The following DKK2 variants were observed in gnomAD, a reference collection of about 807,000 sequenced individuals.
DKK2 encodes the protein dickkopf Wnt signaling pathway inhibitor 2, also known as dickkopf-related protein 2.
Under a neutral mutation model 28.1 loss-of-function variants are expected in DKK2, and 11 were observed. The observed-to-expected ratio is 0.39, with a 90% CI of 0.25 to 0.65. The LOEUF (loss-of-function observed/expected upper bound fraction) is 0.65. DKK2 is among the 30% of genes least tolerant of loss of function. DKK2 has a pLI of 0.47. For missense variants in DKK2, 326 were observed against 335.5 expected (o/e 0.97, Z 0.22); for synonymous variants, 135 against 126.5 (o/e 1.07, Z -0.45).
intron 1 of DKK2, among the ~76,000 whole-genome samples, chr4:107,020,575 G>C (rs564878454): frequency 1.3e-5 from 2 of 152,052 alleles, no homozygotes; most frequent in South Asian, 4.1e-4. Flanking sequence ...TTAAAATTAA[G>C]AACAAATTTA....
At chr4:107,026,967 C>T (rs1390296975) in intron 1 of DKK2, among the ~76,000 whole-genome samples, 1 of 151,964 alleles carries the variant, frequency 6.6e-6, no homozygotes, top group African/African-American at 2.4e-5. Context: ...GTTGAGCGAG[C>T]TGGAGGAAAT....
intron 1 of DKK2, among the ~76,000 whole-genome samples, chr4:106,994,186 G>C (rs1454068552): frequency 6.6e-6 from 1 of 152,164 alleles, no homozygotes; most frequent in Admixed American, 6.5e-5. Flanking sequence ...CAAGTAAGGC[G>C]ATTTAGCTTT....
Position 106,925,804 on chromosome 4 carries a change from T to G in DKK2, c.368A>C (p.Asn123Thr). The G allele has an allele frequency of 6.2e-7, 1 of 1,607,772 alleles. No individual in the cohort carries two copies. Residue 123 changes from asparagine to threonine, a missense_variant, in exon 2 of 4, where the codon AAT (asparagine) becomes ACT (threonine). Asn to Thr is a moderately conservative substitution (Grantham distance 65, BLOSUM62 0). Transcript: ENST00000285311. Reference sequence around the variant, plus strand: ...CACTTAGTGAGATCTTTTACCATTATTGCAGCGGGTACTGGGGCAGCACAT... The same window carrying G: ...CACTTAGTGAGATCTTTTACCATTAGTGCAGCGGGTACTGGGGCAGCACAT... ...DGMCCPSTRC[N>T]NGICIPVTES...
intron 1 of DKK2, among the ~76,000 whole-genome samples, chr4:106,936,278 G>C (rs1261178320): frequency 6.6e-6 from 1 of 152,088 alleles, no homozygotes; most frequent in African/African-American, 2.4e-5. Context: ...TAAAGGAGCT[G>C]ATGGAGCTGA....
chr4:106,964,553 T>C (rs965909086), intron 1 of DKK2, among the ~76,000 whole-genome samples: 3 of 152,178 alleles, frequency 2.0e-5, no homozygotes, highest in East Asian at 3.9e-4. Context: ...CTTGAGGCGA[T>C]GGATATCCCA....
intron 1 of DKK2, among the ~76,000 whole-genome samples, chr4:106,968,959 A>G (rs763292084): frequency 6.6e-6 from 1 of 152,146 alleles, no homozygotes; most frequent in Non-Finnish European, 1.5e-5. Context: ...CAGAAGCATA[A>G]CTAAGGCATA....
chr4:106,982,704 T>C (rs1723042765), intron 1 of DKK2, among the ~76,000 whole-genome samples: 1 of 151,372 alleles, frequency 6.6e-6, no homozygotes, highest in African/African-American at 2.4e-5. Context: ...ACAGTGAAAA[T>C]ACTGTAGGTT....
intron 1 of DKK2, among the ~76,000 whole-genome samples, chr4:107,029,056 G>A (rs765067686): frequency 1.6e-4 from 24 of 152,156 alleles, no homozygotes; most frequent in Non-Finnish European, 2.1e-4. Context: ...TGAAAATAAC[G>A]TATTGCTATG....
At chr4:107,006,942 C>G (rs1028152331) in intron 1 of DKK2, among the ~76,000 whole-genome samples, 2 of 151,696 alleles carry the variant, frequency 1.3e-5, no homozygotes, top group African/African-American at 2.4e-5. Flanking sequence ...GTATTGTTAA[C>G]ACAACAAACA....
chr4:107,025,417 A>C (rs1723760099), intron 1 of DKK2, among the ~76,000 whole-genome samples: 1 of 152,212 alleles, frequency 6.6e-6, no homozygotes, highest in Admixed American at 6.5e-5. Context: ...GTCATACTGC[A>C]TTACCTACTG....
intron 1 of DKK2, among the ~76,000 whole-genome samples, chr4:106,977,094 C>G (rs1722957204): frequency 6.6e-6 from 1 of 152,196 alleles, no homozygotes; most frequent in Non-Finnish European, 1.5e-5. Context: ...TGTAGGGTTT[C>G]TGCAGAGAGA....
At chr4:106,975,307 A>G (rs770973095) in intron 1 of DKK2, among the ~76,000 whole-genome samples, 2 of 152,142 alleles carry the variant, frequency 1.3e-5, no homozygotes, top group Non-Finnish European at 2.9e-5. Context: ...GAGTAGTTTC[A>G]GAAGGAATTG....
intron 1 of DKK2, among the ~76,000 whole-genome samples, chr4:106,993,952 C>G (rs1723237891): frequency 6.6e-6 from 1 of 151,906 alleles, no homozygotes. Flanking sequence ...TGTGGCTGAC[C>G]AACAAAGAAA....
At chr4:106,988,794 C>T (rs1366334165) in intron 1 of DKK2, among the ~76,000 whole-genome samples, 1 of 152,196 alleles carries the variant, frequency 6.6e-6, no homozygotes, top group Admixed American at 6.5e-5. Flanking sequence ...ACTGTTAAGT[C>T]TCCAATCCAA....
Position 107,035,523 on chromosome 4 carries a change from C to T in DKK2, c.69G>A (p.Val23=). The T allele has an allele frequency of 6.2e-7, 1 of 1,614,214 alleles. No individual in the cohort carries two copies. Among genetic ancestry groups the T allele is most frequent in the Non-Finnish European group, 8.5e-7 (1 of 1,180,044 alleles). The part of the protein sequence containing the change: ...CLLLLAAVLM[V]ESSQIGSSRA... ...GCGAACTGCCGATCTGTGAGCTCTC[C>T]ACCATCAGCACCGCGGCCAGTAGGA... The change falls in exon 1 of 4, where the codon GTG becomes GTA. Residue 23 remains valine (V), a synonymous_variant. Transcript: ENST00000285311.
chr4:106,926,224 A>G (rs543074648), intron 1 of DKK2, among the ~76,000 whole-genome samples: 39 of 152,212 alleles, frequency 2.6e-4, no homozygotes, highest in Admixed American at 2.6e-3. Context: ...ACTTTTATTG[A>G]TTCATAGGAC....
chr4:106,990,327 T>A (rs542229486), intron 1 of DKK2, among the ~76,000 whole-genome samples: 17 of 152,282 alleles, frequency 1.1e-4, no homozygotes, highest in East Asian at 3.9e-4. Context: ...CGTAGTGTAG[T>A]AGTCTGAGGT....
chr4:106,982,484 A>C (rs1723040823), intron 1 of DKK2, among the ~76,000 whole-genome samples: 1 of 152,186 alleles, frequency 6.6e-6, no homozygotes, highest in Non-Finnish European at 1.5e-5. Context: ...TATAACAGGG[A>C]GGGCTGATAT....
intron 1 of DKK2, among the ~76,000 whole-genome samples, chr4:106,976,731 C>A (rs1722951522): frequency 6.6e-6 from 1 of 152,118 alleles, no homozygotes; most frequent in East Asian, 1.9e-4. Context: ...GCATTTAGCC[C>A]ATTTACATTT....
Sources: allele counts gnomAD v4.1 joint callset (sites outside exome capture counted in the v4.1 genomes callset), GRCh38; gene constraint gnomAD v4.1.1; transcripts MANE v1.5; gene names NCBI Gene and HGNC (gene_info 2026-07-23, HGNC 2026-07-21).